The following ANK2 variants were observed in gnomAD, a reference collection of about 807,000 sequenced individuals.
ANK2 encodes the protein ankyrin 2.
In ANK2, 83 loss-of-function variants were observed where a neutral mutation model predicts 360.5. The observed-to-expected ratio is 0.23, with a 90% confidence interval of 0.19 to 0.28. ANK2 has a LOEUF of 0.28. Among genes scored for constraint, ANK2 ranks in the 10% least tolerant of loss-of-function variants. The probability of loss-of-function intolerance (pLI) is 1.00; values close to 1 mark genes in which losing one functional copy is unlikely to be tolerated. For synonymous variants in ANK2, 1,740 were observed against 1,759.5 expected, an observed-to-expected ratio of 0.99 and a Z score of 0.28; for missense variants, 4,201 against 4,795.7, an observed-to-expected ratio of 0.88 and a Z score of 3.66.
the ANK2 span, among the ~76,000 whole-genome samples, chr4:112,734,406 C>T: frequency 1.3e-5 from 2 of 152,158 alleles, no homozygotes; most frequent in African/African-American, 2.4e-5. Flanking sequence ...AAATTCAGGG[C>T]CAAAATATAT....
chr4:113,259,024 T>C lies in ANK2; in HGVS notation c.1386+613T>C, dbSNP rs189332017. ...GTTATACCACATATCCTGGAATGAA[T>C]GTTGGTCTCCAGACCACTTTCATTC... On this transcript the variant is annotated intron_variant, in intron 13 of 45. Coordinates refer to ENST00000357077, the MANE Select transcript of ANK2 (RefSeq NM_001148.6). Among the ~76,000 whole-genome samples the C allele has an allele frequency of 2.3e-3, 350 of 152,358 alleles. 2 individuals carry two copies. Among genetic ancestry groups the C allele is most frequent in the Admixed American group, 5.9e-3 (90 of 15,308 alleles).
chr4:113,293,679 C>T, intron 22 of ANK2, 141 bp downstream of exon 22: 1 of 811,042 alleles, frequency 1.2e-6, no homozygotes, highest in Non-Finnish European at 2.1e-6. Flanking sequence ...GTAGCACATA[C>T]ATAGGCGTAT....
intron 2 of ANK2, among the ~76,000 whole-genome samples, chr4:112,945,594 C>A (rs921100845): frequency 5.3e-5 from 8 of 152,122 alleles, no homozygotes; most frequent in African/African-American, 1.9e-4. Context: ...CTATTAATTC[C>A]ACATAATCCC....
At position 113,371,263 on chromosome 4, in the gene ANK2, A is replaced by G. The variant is rs181596316; in HGVS notation, c.11610+1458A>G. On this transcript the variant is annotated intron_variant, in intron 43 of 45. Coordinates refer to ENST00000357077, the MANE Select transcript of ANK2 (RefSeq NM_001148.6). ...CTGAAATCACAACTAAAATTAGGAA[A>G]GATCCAGGCAGATGAGAACTGTGTC... Among the ~76,000 whole-genome samples the G allele has an allele frequency of 3.9e-5, 6 of 152,294 alleles. No homozygotes were observed. The East Asian group carries it at 1.2e-3, about 29-fold the overall frequency.
In ANK2 at chr4:113,360,771, T is replaced by C. The variant is rs1392785742; in HGVS notation, c.10682-52T>C. 2.0e-6 allele frequency: 3 copies of C among 1,521,656 alleles called. No individual in the cohort carries two copies. The Admixed American group carries it at 5.3e-5, about 27-fold the overall frequency. The allele number at this position is 1,521,656 out of a possible 1,614,324, so 94.3% of individuals were successfully genotyped here. A position where few individuals can be genotyped will look rare whatever the true frequency, so the allele number is the denominator to read the frequency against. ...TCTTTGAATGAATCAGTACTGTGGTTCCTCTCCTGTCATAGACAACCTTTG... is the reference window on the plus strand; with the variant it reads ...TCTTTGAATGAATCAGTACTGTGGTCCCTCTCCTGTCATAGACAACCTTTG... On this transcript the variant is annotated intron_variant, in intron 38 of 45. Transcript: ENST00000357077.
At chr4:112,980,733 G>A (rs2042892120) in intron 2 of ANK2, among the ~76,000 whole-genome samples, 1 of 152,158 alleles carries the variant, frequency 6.6e-6, no homozygotes, top group African/African-American at 2.4e-5. Context: ...ATATATTTCT[G>A]TTACTACAGC....
chr4:113,290,921 G>C (rs917531431), intron 20 of ANK2, among the ~76,000 whole-genome samples: 10 of 152,182 alleles, frequency 6.6e-5, no homozygotes, highest in African/African-American at 2.2e-4. Context: ...AATTGCTCCA[G>C]ACTTCCCTGG....
rs552013849 is a variant in ANK2, at chr4:113,239,095, A to C, written c.694-1390A>C. Among the ~76,000 whole-genome samples, 4 of 152,308 alleles carry C rather than the reference A, an allele frequency of 2.6e-5. No homozygotes were observed. The East Asian group carries it at 7.7e-4, about 29-fold the overall frequency. ...ATTTCCTAAAATATGAAAATTTGAC[A>C]TTTTATAAAATAACAGCCAGGTTGA... On this transcript the variant is annotated intron_variant, in intron 7 of 45. Transcript: ENST00000357077.
intron 1 of ANK2, among the ~76,000 whole-genome samples, chr4:112,857,573 A>G (rs142720351): frequency 1.3e-5 from 2 of 152,210 alleles, no homozygotes; most frequent in African/African-American, 2.4e-5. Context: ...CATCATGGAT[A>G]TTCCAAGCCT....
chr4:113,255,187 A>C (rs1166361739), intron 10 of ANK2, among the ~76,000 whole-genome samples: 1 of 152,142 alleles, frequency 6.6e-6, no homozygotes, highest in African/African-American at 2.4e-5. Flanking sequence ...GCCCTTACCT[A>C]CCTGTTTTCT....
intron 2 of ANK2, among the ~76,000 whole-genome samples, chr4:113,192,066 T>G (rs201132138): frequency 1.3e-5 from 2 of 152,318 alleles, no homozygotes; most frequent in East Asian, 3.9e-4. Context: ...ATTTCTTTTC[T>G]TTTTTAAAAA....
chr4:113,244,161 AT>A (rs1227282649), intron 9 of ANK2, among the ~76,000 whole-genome samples: 4 of 152,216 alleles, frequency 2.6e-5, no homozygotes, highest in African/African-American at 7.2e-5. Context: ...ATTAAATTTC[AT>A]TCAAGGATTT....
intron 10 of ANK2, among the ~76,000 whole-genome samples, chr4:113,253,076 A>G (rs533877818): frequency 1.9e-4 from 29 of 152,162 alleles, no homozygotes; most frequent in Non-Finnish European, 2.6e-4. Context: ...TCCCACCTCC[A>G]TATCTATCCA....
chr4:113,132,310 G>A (rs2096094133), intron 1 of ANK2, among the ~76,000 whole-genome samples: 1 of 151,998 alleles, frequency 6.6e-6, no homozygotes, highest in Admixed American at 6.6e-5. Context: ...TTTTAATAAT[G>A]TCTCTCCCTT....
intron 39 of ANK2, among the ~76,000 whole-genome samples, chr4:113,361,611 C>A (rs2096232915): frequency 6.7e-6 from 1 of 149,302 alleles, no homozygotes; most frequent in Admixed American, 6.7e-5. Flanking sequence ...CTTTTCCTTT[C>A]CATTTCTTAG....
intron 1 of ANK2, among the ~76,000 whole-genome samples, chr4:113,133,242 T>A (rs2096176050): frequency 6.6e-6 from 1 of 152,166 alleles, no homozygotes; most frequent in Admixed American, 6.5e-5. Context: ...GACCTTTTAT[T>A]CTGAAATTAA....
the ANK2 span, among the ~76,000 whole-genome samples, chr4:112,791,857 T>C: frequency 1.3e-5 from 2 of 152,004 alleles, no homozygotes; most frequent in Non-Finnish European, 2.9e-5. Context: ...TAAAATCTAC[T>C]TGGATAGAAT....
At position 112,864,395 on chromosome 4, in the gene ANK2, C is replaced by T. The variant is rs190943815; in HGVS notation, c.-39-40060C>T. ...CATGATCTCAGCTCTATGCAATCTC[C>T]GCCTCCCAAGTTCAAGCGATTCTTC... is the stretch of plus-strand genomic sequence containing the variant. On this transcript the variant is annotated intron_variant, in intron 1 of 30. Coordinates refer to the ANK2 transcript ENST00000503271. Among the ~76,000 whole-genome samples the T allele has an allele frequency of 8.4e-4, 128 of 152,166 alleles. 1 individual carries two copies. Among genetic ancestry groups the T allele is most frequent in the African/African-American group, 3.0e-3 (125 of 41,548 alleles).
At chr4:112,874,080 C>CTTTTT (rs544871774) in intron 1 of ANK2, among the ~76,000 whole-genome samples, 1 of 122,136 alleles carries the variant, frequency 8.2e-6, no homozygotes, top group Admixed American at 8.6e-5. Flanking sequence ...TTGGGGTTCT[C>CTTTTT]TTTTTTTTTT....
Sources: allele counts gnomAD v4.1 joint callset (sites outside exome capture counted in the v4.1 genomes callset), GRCh38; gene constraint gnomAD v4.1.1; transcripts MANE v1.5; gene names NCBI Gene and HGNC (gene_info 2026-07-23, HGNC 2026-07-21).